The following CDH18 variants were observed in gnomAD, a reference collection of about 807,000 sequenced individuals.
CDH18 encodes cadherin 18, also known as cadherin-18.
CDH18 carries 31 observed loss-of-function variants against 67.9 expected under a neutral mutation model. The ratio of observed to expected loss-of-function variants is 0.46; its 90% CI spans 0.34 to 0.62. The LOEUF (loss-of-function observed/expected upper bound fraction) is 0.62. CDH18 is among the 20% of genes least tolerant of loss of function. The probability of loss-of-function intolerance (pLI) is 0.01; values close to 1 mark genes in which losing one functional copy is unlikely to be tolerated. For synonymous variants in CDH18, 362 were observed against 347.2 expected, an observed-to-expected ratio of 1.04 and a Z score of -0.48; for missense variants, 890 against 975.5, an observed-to-expected ratio of 0.91 and a Z score of 1.17.
chr5:19,489,137 A>G (rs1444235614), intron 11 of CDH18, among the ~76,000 whole-genome samples: 1 of 152,176 alleles, frequency 6.6e-6, no homozygotes, highest in Admixed American at 6.5e-5. Flanking sequence ...ACAAATTATA[A>G]CCATCTTAAC....
At chr5:20,110,853 T>C (rs962871056) in intron 2 of CDH18, among the ~76,000 whole-genome samples, 11 of 152,188 alleles carry the variant, frequency 7.2e-5, no homozygotes, top group Non-Finnish European at 2.9e-5. Context: ...ACTAATCGAA[T>C]TTATTTATTC....
intron 4 of CDH18, among the ~76,000 whole-genome samples, chr5:19,734,190 T>C (rs1767994805): frequency 6.6e-6 from 1 of 152,202 alleles, no homozygotes; most frequent in Non-Finnish European, 1.5e-5. Context: ...AAAAAGCAGC[T>C]GGTTGATTGA....
intron 3 of CDH18, among the ~76,000 whole-genome samples, chr5:19,761,632 G>A (rs555639856): frequency 1.3e-5 from 2 of 152,146 alleles, no homozygotes; most frequent in South Asian, 4.2e-4. Flanking sequence ...GTCACGGATA[G>A]GAAGAATCAA....
chr5:20,185,709 C>T (rs1403012019), intron 2 of CDH18, among the ~76,000 whole-genome samples: 2 of 151,978 alleles, frequency 1.3e-5, no homozygotes, highest in East Asian at 3.9e-4. Context: ...TGTGACTTAA[C>T]GTAAAATAGA....
intron 12 of CDH18, among the ~76,000 whole-genome samples, chr5:19,474,720 T>G: frequency 6.6e-6 from 1 of 152,116 alleles, no homozygotes; most frequent in East Asian, 1.9e-4. Flanking sequence ...CTTCAGTATT[T>G]CAAAGACATG....
At chr5:20,136,324 T>C (rs936365561) in intron 2 of CDH18, among the ~76,000 whole-genome samples, 3 of 152,230 alleles carry the variant, frequency 2.0e-5, no homozygotes, top group South Asian at 2.1e-4. Flanking sequence ...TCTTGTTGAA[T>C]TGATCCCTTT....
At chr5:20,206,532 A>T (rs150211507) in intron 2 of CDH18, among the ~76,000 whole-genome samples, 1 of 152,024 alleles carries the variant, frequency 6.6e-6, no homozygotes, top group African/African-American at 2.4e-5. Flanking sequence ...ACAAGAAAAA[A>T]GAAAAGTATA....
chr5:19,675,150 G>A (rs1331860153), intron 5 of CDH18, among the ~76,000 whole-genome samples: 1 of 152,058 alleles, frequency 6.6e-6, no homozygotes, highest in Non-Finnish European at 1.5e-5. Flanking sequence ...CGAATAGGGT[G>A]TGGGTCACAG....
At chr5:19,638,302 T>C (rs1042066545) in intron 5 of CDH18, among the ~76,000 whole-genome samples, 35 of 152,220 alleles carry the variant, frequency 2.3e-4, no homozygotes, top group African/African-American at 7.7e-4. Context: ...CACCAGAGGA[T>C]ATTAAACAGA....
intron 3 of CDH18, among the ~76,000 whole-genome samples, chr5:19,777,910 T>A (rs1254601611): frequency 6.6e-6 from 1 of 152,070 alleles, no homozygotes; most frequent in African/African-American, 2.4e-5. Context: ...AGAAGAAAGA[T>A]CATTAAATTT....
intron 1 of CDH18, among the ~76,000 whole-genome samples, chr5:20,481,685 G>A (rs770949032): frequency 6.6e-5 from 10 of 152,004 alleles, no homozygotes; most frequent in Non-Finnish European, 1.3e-4. Context: ...GAAATTAAAC[G>A]ACATGCTCCT....
At chr5:20,331,275 C>T (rs1018954964) in intron 1 of CDH18, 1 of 152,110 alleles carries the variant, frequency 6.6e-6, no homozygotes, top group African/African-American at 2.4e-5. Flanking sequence ...TATGTAGTAC[C>T]TATATGATAA....
In CDH18 at chr5:20,429,864, GC is replaced by G. The variant is rs1748601046; in HGVS notation, c.-580+145597del. ...AAAGGCTAATATGTAAAATGATAAT[GC>G]CAATACTAGTACATATTTATTCAGC... On this transcript the variant is annotated intron_variant, in intron 1 of 14. Coordinates refer to the CDH18 transcript ENST00000507958. Among the ~76,000 whole-genome samples the G allele has an allele frequency of 3.9e-5, 6 of 152,218 alleles. No homozygotes were observed. The South Asian group carries it at 1.2e-3, about 32-fold the overall frequency.
rs1014939929 is a variant in CDH18, at chr5:20,546,193, A to G, written c.-580+29269T>C. Among the ~76,000 whole-genome samples the G allele has an allele frequency of 4.3e-4, 66 of 152,222 alleles. 2 individuals carry two copies. Among genetic ancestry groups the G allele is most frequent in the African/African-American group, 1.4e-3 (58 of 41,572 alleles). On this transcript the variant is annotated intron_variant, in intron 1 of 14. Coordinates refer to the CDH18 transcript ENST00000507958. ...CCTGGACTTCCTTTTCCATGTCACT[A>G]TAAGTATTTTGGCCAAAACCATTCA...
intron 2 of CDH18, among the ~76,000 whole-genome samples, chr5:20,252,367 C>CA (rs1249307545): frequency 0.029 from 4,226 of 145,902 alleles, 217 homozygotes; most frequent in African/African-American, 0.098. Flanking sequence ...AAACAAAAAA[C>CA]AAAAAAAAAA....
intron 3 of CDH18, among the ~76,000 whole-genome samples, chr5:19,790,164 A>G (rs1561305253): frequency 6.6e-6 from 1 of 152,100 alleles, no homozygotes; most frequent in Non-Finnish European, 1.5e-5. Context: ...CCTGCTATCA[A>G]GAGACTTTTT....
At chr5:20,307,424 A>T (rs1488163879) in intron 1 of CDH18, among the ~76,000 whole-genome samples, 1 of 152,186 alleles carries the variant, frequency 6.6e-6, no homozygotes, top group African/African-American at 2.4e-5. Context: ...TCAACAAGAG[A>T]CATATAACAT....
intron 3 of CDH18, among the ~76,000 whole-genome samples, chr5:19,831,356 T>C (rs1041879459): frequency 5.3e-5 from 8 of 151,974 alleles, no homozygotes. Context: ...GAGAAAATTT[T>C]TGCAAACTGC....
intron 2 of CDH18, among the ~76,000 whole-genome samples, chr5:20,245,732 T>C (rs1743324434): frequency 6.6e-6 from 1 of 152,096 alleles, no homozygotes; most frequent in Admixed American, 6.6e-5. Flanking sequence ...ACGCATATAA[T>C]GCACAATAAA....
Sources: allele counts gnomAD v4.1 joint callset (sites outside exome capture counted in the v4.1 genomes callset), GRCh38; gene constraint gnomAD v4.1.1; transcripts MANE v1.5; gene names NCBI Gene and HGNC (gene_info 2026-07-23, HGNC 2026-07-21).